RBFOX1: variants seen among roughly 807,000 people sequenced by gnomAD.
RBFOX1 encodes RNA binding fox-1 homolog 1, also known as RNA binding protein fox-1 homolog 1.
Under a neutral mutation model 57.7 loss-of-function variants are expected in RBFOX1, and 8 were observed. The observed-to-expected ratio is 0.14, with a 90% CI of 0.08 to 0.25. The LOEUF (loss-of-function observed/expected upper bound fraction) is 0.25. Ranked by LOEUF, RBFOX1 falls within the 10% of genes least tolerant of loss-of-function variation. The pLI, the probability that RBFOX1 is intolerant of heterozygous loss-of-function variation, is 1.00. For synonymous variants in RBFOX1, 326 were observed against 222.4 expected (o/e 1.47, Z -4.15); for missense variants, 611 against 548.5 (o/e 1.11, Z -1.14).
intron 1 of RBFOX1, among the ~76,000 whole-genome samples, chr16:6,068,867 C>G (rs1157768965): frequency 6.6e-6 from 1 of 152,152 alleles, no homozygotes; most frequent in Non-Finnish European, 1.5e-5. Flanking sequence ...CCCTTGTCTC[C>G]CAGTTCACCT....
intron 4 of RBFOX1, among the ~76,000 whole-genome samples, chr16:7,392,476 C>T (rs2098049422): frequency 6.6e-6 from 1 of 152,144 alleles, no homozygotes. Context: ...AAAACCCAGG[C>T]ACTCTTTATG....
chr16:6,843,460 G>A (rs534852267), intron 3 of RBFOX1, among the ~76,000 whole-genome samples: 3 of 152,132 alleles, frequency 2.0e-5, no homozygotes, highest in African/African-American at 2.4e-5. Context: ...AGGCTGAGGC[G>A]GGCAGATCAC....
chr16:6,698,081 T>C (rs2061318795), intron 3 of RBFOX1, among the ~76,000 whole-genome samples: 1 of 152,226 alleles, frequency 6.6e-6, no homozygotes, highest in Admixed American at 6.5e-5. Flanking sequence ...TTTGGAGTTA[T>C]TTCAACTGTT....
At chr16:5,960,829 C>T (rs2059733180) in intron 4 of RBFOX1, among the ~76,000 whole-genome samples, 3 of 152,176 alleles carry the variant, frequency 2.0e-5, no homozygotes, top group Non-Finnish European at 4.4e-5. Context: ...GTCTCTTCTT[C>T]CCAACAGCAC....
intron 3 of RBFOX1, among the ~76,000 whole-genome samples, chr16:6,700,349 G>A (rs948147090): frequency 8.7e-6 from 1 of 114,678 alleles, no homozygotes. Context: ...CCATAGGCAA[G>A]GTTAAAACAA....
At chr16:5,683,445 A>G (rs949727801) in intron 3 of RBFOX1, among the ~76,000 whole-genome samples, 1 of 151,878 alleles carries the variant, frequency 6.6e-6, no homozygotes, top group Admixed American at 6.6e-5. Context: ...GCCAAAAGAG[A>G]TGAACATTTG....
chr16:6,280,096 G>A (rs1174167438), intron 1 of RBFOX1, among the ~76,000 whole-genome samples: 5 of 152,072 alleles, frequency 3.3e-5, no homozygotes, highest in African/African-American at 9.7e-5. Flanking sequence ...TTGGGGGTCG[G>A]GAAAGGGGGA....
intron 2 of RBFOX1, among the ~76,000 whole-genome samples, chr16:6,553,331 G>A (rs751316179): frequency 1.3e-5 from 2 of 152,246 alleles, no homozygotes; most frequent in Non-Finnish European, 2.9e-5. Context: ...AAGTGCAGAC[G>A]TAGGCAGCAA....
At chr16:6,883,015 C>T (rs2063275004) in intron 3 of RBFOX1, among the ~76,000 whole-genome samples, 1 of 152,094 alleles carries the variant, frequency 6.6e-6, no homozygotes, top group African/African-American at 2.4e-5. Context: ...GTCCAATCTG[C>T]AGATATTCTA....
intron 3 of RBFOX1, among the ~76,000 whole-genome samples, chr16:5,790,620 A>G (rs568981454): frequency 2.0e-4 from 31 of 152,176 alleles, no homozygotes; most frequent in Non-Finnish European, 3.7e-4. Flanking sequence ...CTACCAGGCA[A>G]AAAACATTTC....
At chr16:5,258,544 A>G (rs1310108428) in intron 1 of RBFOX1, among the ~76,000 whole-genome samples, 1 of 152,190 alleles carries the variant, frequency 6.6e-6, no homozygotes, top group African/African-American at 2.4e-5. Flanking sequence ...TTGAGCAAAG[A>G]TAATAAGATC....
At chr16:6,089,560 T>C (rs1384717684) in intron 1 of RBFOX1, among the ~76,000 whole-genome samples, 1 of 152,222 alleles carries the variant, frequency 6.6e-6, no homozygotes, top group Non-Finnish European at 1.5e-5. Context: ...CTAAAGATTT[T>C]AAGCAGAGTG....
chr16:6,108,190 T>C (rs1567473945), intron 1 of RBFOX1, among the ~76,000 whole-genome samples: 1 of 152,208 alleles, frequency 6.6e-6, no homozygotes, highest in Non-Finnish European at 1.5e-5. Context: ...GCAATATACA[T>C]GTCTCTGTTG....
rs1597468299 is a variant in RBFOX1 at position 5,845,912 on chromosome 16, C to A, written c.319-21391C>A. 7.2e-5 allele frequency among the ~76,000 whole-genome samples: 11 copies of A among 152,242 alleles called. No individual in the cohort carries two copies. In the South Asian group the frequency reaches 2.3e-3, roughly 32 times the overall value. ...AAATGGCCTGGCGTGGTGGCTCACG[C>A]CTGTAATACCTGCACTTTGGGAGGC... On this transcript the variant is annotated intron_variant, in intron 3 of 19. Transcript: ENST00000641259.
chr16:6,475,637 T>C (rs760886169), intron 2 of RBFOX1, among the ~76,000 whole-genome samples: 1 of 152,216 alleles, frequency 6.6e-6, no homozygotes, highest in Non-Finnish European at 1.5e-5. Context: ...AGCTCACCTT[T>C]CTTAATGTAA....
intron 1 of RBFOX1, among the ~76,000 whole-genome samples, chr16:6,311,446 T>C (rs547443777): frequency 7.2e-5 from 11 of 152,070 alleles, no homozygotes; most frequent in African/African-American, 2.7e-4. Context: ...GGGGATGGGA[T>C]GGGAAGCAAA....
chr16:7,133,888 A>C (rs2071197036), intron 4 of RBFOX1, among the ~76,000 whole-genome samples: 1 of 152,210 alleles, frequency 6.6e-6, no homozygotes, highest in Non-Finnish European at 1.5e-5. Context: ...ATATACAGCT[A>C]AACAGAAAAA....
intron 1 of RBFOX1, among the ~76,000 whole-genome samples, chr16:6,154,369 A>G (rs934903336): frequency 6.6e-6 from 1 of 152,238 alleles, no homozygotes; most frequent in Admixed American, 6.5e-5. Flanking sequence ...TTCTATGTTG[A>G]TAATTCTAGA....
At chr16:6,735,404 ATT>A (rs2069908880) in intron 3 of RBFOX1, among the ~76,000 whole-genome samples, 1 of 152,142 alleles carries the variant, frequency 6.6e-6, no homozygotes, top group Non-Finnish European at 1.5e-5. Context: ...GGATTGGAAA[ATT>A]GTAAATAGGT....
Sources: allele counts gnomAD v4.1 joint callset (sites outside exome capture counted in the v4.1 genomes callset), GRCh38; gene constraint gnomAD v4.1.1; transcripts MANE v1.5; gene names NCBI Gene and HGNC (gene_info 2026-07-23, HGNC 2026-07-21).